Variants in HELT observed in about 807,000 individuals in gnomAD.
HELT encodes helt bHLH transcription factor.
In HELT, 9 loss-of-function variants were observed where a neutral mutation model predicts 19.5. That is an observed-to-expected ratio of 0.46 (90% confidence interval 0.28 to 0.80). The LOEUF (loss-of-function observed/expected upper bound fraction) is 0.80, where lower values mean the gene tolerates loss of function less well. Among genes scored for constraint, HELT ranks in the 30% least tolerant of loss-of-function variants. The pLI, the probability that HELT is intolerant of heterozygous loss-of-function variation, is 0.12. For synonymous variants in HELT, 162 were observed against 148.3 expected, an observed-to-expected ratio of 1.09 and a Z score of -0.67; for missense variants, 366 against 326.3, an observed-to-expected ratio of 1.12 and a Z score of -0.94.
rs753020924 is a variant in HELT at position 185,019,887 on chromosome 4, C to T, written c.229+44C>T. 13 of 1,543,780 alleles carry T rather than the reference C, an allele frequency of 8.4e-6. No homozygotes were observed. In the African/African-American group the frequency reaches 9.5e-5, roughly 11 times the overall value. On this transcript the variant is annotated intron_variant, in intron 3 of 3. Transcript: ENST00000515777. The stretch of plus-strand genomic sequence containing the variant: ...ATGGGACGCCTGGGCCAGGCGCCTG[C>T]GCCACCCAGAGACCCTGGGGCTGGG...
At chr4:185,020,222 G>A in intron 3 of HELT, 51 bp from the exon 4 acceptor site, 1 of 1,580,932 alleles carries the variant, frequency 6.3e-7, no homozygotes, top group Non-Finnish European at 8.6e-7. Flanking sequence ...GCTCGCGTGG[G>A]GAAGGGGCAC....
Position 185,018,954 on chromosome 4 carries a change from A to G in HELT, c.26A>G (p.Lys9Arg), listed in dbSNP as rs768750800. 9.3e-6 allele frequency: 15 copies of G among 1,612,178 alleles called. No homozygotes were observed. Among genetic ancestry groups the G allele is most frequent in the Non-Finnish European group, 1.3e-5 (15 of 1,178,872 alleles). The change falls in exon 1 of 4, where the codon AAA (lysine) becomes AGA (arginine). Residue 9 changes from lysine to arginine, a missense_variant and splice_region_variant. Transcript: ENST00000515777. Reference sequence around the variant, plus strand: ...ATGTCAGACAAGCTCAAGGAACGCAAAGTGAGTCGGCTGAGCCCAAATGGC... The same window carrying G: ...ATGTCAGACAAGCTCAAGGAACGCAGAGTGAGTCGGCTGAGCCCAAATGGC... Reference protein sequence around the residue: MSDKLKERKRTPVSHKVIE... With the variant: MSDKLKERRRTPVSHKVIE...
chr4:185,019,724 A>C (rs770586524), intron 2 of HELT, 23 bp from the exon 3 acceptor site: 2 of 1,612,872 alleles, frequency 1.2e-6, no homozygotes, highest in Non-Finnish European at 1.7e-6. Context: ...GGCCGCTGCG[A>C]GGGGCCCTTC....
At chr4:185,019,362 TA>T (rs1733988539) in intron 1 of HELT, 24 bp from the exon 2 acceptor site, 2 of 1,584,578 alleles carry the variant, frequency 1.3e-6, no homozygotes, top group African/African-American at 2.7e-5. Context: ...AAAGCCATCC[TA>T]AACATACAAC....
intron 3 of HELT, 52 bp from the exon 4 acceptor site, chr4:185,020,221 G>A (rs1473761163): frequency 7.6e-6 from 12 of 1,579,842 alleles, no homozygotes; most frequent in Non-Finnish European, 9.5e-6. Flanking sequence ...GGCTCGCGTG[G>A]GGAAGGGGCA....
At position 185,020,353 on chromosome 4, in the gene HELT, A is replaced by T; in HGVS notation, c.310A>T (p.Thr104Ser). ...GAAGAACCTGGTGCATTACCTCACC[A>T]CGGTGGAGCGGATGGAGACCAAGGA... ...CMKNLVHYLTTVERMETKDTK... is the reference protein window; with the variant it reads ...CMKNLVHYLTSVERMETKDTK... Residue 104 changes from threonine to serine, a missense_variant, in exon 4 of 4, where the codon ACG becomes TCG. Transcript: ENST00000515777. The T allele has an allele frequency of 1.2e-6, 2 of 1,614,204 alleles. No individual in the cohort carries two copies. The highest frequency in any genetic ancestry group is 1.7e-6 in the Non-Finnish European group (2 of 1,180,034).
intron 3 of HELT, 29 bp from the exon 4 acceptor site, chr4:185,020,244 C>G (rs1005506590): frequency 1.8e-5 from 29 of 1,600,010 alleles, no homozygotes; most frequent in Non-Finnish European, 2.5e-5. Context: ...CAGGGTGTGT[C>G]CGTCCTACGG....
At chr4:185,019,103 G>C in intron 1 of HELT, 148 bp downstream of exon 1, 1 of 1,599,418 alleles carries the variant, frequency 6.3e-7, no homozygotes, top group Non-Finnish European at 8.5e-7. Flanking sequence ...GGAAGGGGGT[G>C]GGGTAGAGAG....
Position 185,018,834 on chromosome 4 carries a change from G to A in HELT, c.-95G>A. On this transcript the variant is annotated 5_prime_UTR_variant, in exon 1 of 4. Coordinates refer to ENST00000515777, the MANE Select transcript of HELT (RefSeq NM_001300781.2). Reference sequence around the variant, plus strand: ...AGGCAGCCCTCGGAGTTGGGAGGCTGCAGTCTACCTGGGACACTCGAGGAG... The same window carrying A: ...AGGCAGCCCTCGGAGTTGGGAGGCTACAGTCTACCTGGGACACTCGAGGAG... 5 of 1,318,892 alleles carry A rather than the reference G, an allele frequency of 3.8e-6. No homozygotes were observed. The highest frequency in any genetic ancestry group is 5.2e-6 in the Non-Finnish European group (5 of 962,090). 81.7% of individuals were successfully genotyped at this position (1,318,892 alleles called of 1,614,324 possible).
chr4:185,020,450 C>G lies in HELT; in HGVS notation c.407C>G (p.Pro136Arg). 6.2e-7 allele frequency: 1 copy of G among 1,613,988 alleles called. No individual in the cohort carries two copies. Residue 136 changes from proline to arginine, a missense_variant, in exon 4 of 4, where the codon CCG becomes CGG. Coordinates refer to ENST00000515777, the MANE Select transcript of HELT (RefSeq NM_001300781.2). ...ARLGAEPAFP[P>R]LGSLPEPDFS... ...CTGGGCGCGGAGCCCGCCTTTCCGC[C>G]GCTGGGTTCGCTCCCGGAGCCGGAT...
chr4:185,019,533 G>T, intron 2 of HELT, 42 bp downstream of exon 2: 1 of 1,568,128 alleles, frequency 6.4e-7, no homozygotes, highest in Non-Finnish European at 8.7e-7. Flanking sequence ...GCGTTGGGAG[G>T]CCTCTGCGGC....
chr4:185,019,693 G>A lies in HELT; in HGVS notation c.133-54G>A. ...CTCGCTGGTCCTCTCCAGCGCCACA[G>A]TGCCCGACCAGCAGGCGCTGGGCCG... On this transcript the variant is annotated intron_variant, in intron 2 of 3. Coordinates refer to ENST00000515777, the MANE Select transcript of HELT (RefSeq NM_001300781.2). The A allele has an allele frequency of 1.2e-6, 2 of 1,611,726 alleles. 1 individual carries two copies. Among genetic ancestry groups the A allele is most frequent in the South Asian group, 2.2e-5 (2 of 90,712 alleles).
chr4:185,019,913 AG>A (rs1429166464), intron 3 of HELT, 70 bp downstream of exon 3: 4 of 1,379,990 alleles, frequency 2.9e-6, no homozygotes, highest in Non-Finnish European at 4.0e-6. Context: ...TGGGGCTGGG[AG>A]GGGAGTGACT....
chr4:185,019,969 C>T (rs1734017283), intron 3 of HELT, 126 bp downstream of exon 3: 1 of 915,536 alleles, frequency 1.1e-6, no homozygotes. Context: ...TCCAGGAGGG[C>T]AGGGGTCCTG....
In HELT at chr4:185,019,735, C is replaced by T; in HGVS notation, c.133-12C>T. The T allele has an allele frequency of 1.9e-6, 3 of 1,613,234 alleles. No homozygotes were observed. Among genetic ancestry groups the T allele is most frequent in the South Asian group, 1.1e-5 (1 of 90,982 alleles). On this transcript the variant is annotated splice_polypyrimidine_tract_variant and intron_variant, in intron 2 of 3. Coordinates refer to ENST00000515777, the MANE Select transcript of HELT (RefSeq NM_001300781.2). ...GCTGGGCCGCTGCGAGGGGCCCTTCCTCCTTTTGCAGAGTTCCGGGAAGCT... is the reference window on the plus strand; with the variant it reads ...GCTGGGCCGCTGCGAGGGGCCCTTCTTCCTTTTGCAGAGTTCCGGGAAGCT...
At position 185,020,381 on chromosome 4, in the gene HELT, C is replaced by A. The variant is rs1734036437; in HGVS notation, c.338C>A (p.Thr113Lys). 1 of 1,614,118 alleles carries A rather than the reference C, an allele frequency of 6.2e-7. No homozygotes were observed. Among genetic ancestry groups the A allele is most frequent in the Non-Finnish European group, 8.5e-7 (1 of 1,180,054 alleles). ...TTVERMETKD[T>K]KYARILAFLQ... is the part of the protein sequence containing the mutation. The stretch of plus-strand genomic sequence containing the variant: ...GTGGAGCGGATGGAGACCAAGGACA[C>A]GAAGTACGCGCGCATCCTCGCCTTC... Residue 113 changes from threonine to lysine, a missense_variant, in exon 4 of 4, where the codon ACG becomes AAG. Coordinates refer to ENST00000515777, the MANE Select transcript of HELT (RefSeq NM_001300781.2).
rs775744003 is a variant in HELT at position 185,020,288 on chromosome 4, A to T, written c.245A>T (p.Glu82Val). Reference protein sequence around the residue: ...RGREKAELLAEFANYFHYGYH... With the variant: ...RGREKAELLAVFANYFHYGYH... Reference sequence around the variant, plus strand: ...GTTCCTCCAGCAGAACTTCTAGCGGAGTTTGCCAACTACTTCCACTATGGC... The same window carrying T: ...GTTCCTCCAGCAGAACTTCTAGCGGTGTTTGCCAACTACTTCCACTATGGC... The change falls in exon 4 of 4, where the codon GAG becomes GTG. Residue 82 changes from glutamate (E) to valine (V), a missense_variant. Coordinates refer to ENST00000515777, the MANE Select transcript of HELT (RefSeq NM_001300781.2). 3 of 1,613,582 alleles carry T rather than the reference A, an allele frequency of 1.9e-6. No homozygotes were observed. Among genetic ancestry groups the T allele is most frequent in the East Asian group, 4.5e-5 (2 of 44,856 alleles).
chr4:185,019,362 TAAACA>T lies in HELT; in HGVS notation c.28-24_28-20del, dbSNP rs1295118329. On this transcript the variant is annotated intron_variant, in intron 1 of 3. Transcript: ENST00000515777. ...GACGACTTCCCGGGCAAAGCCATCC[TAAACA>T]TACAACCCTCTCTTCGCAGAGAACC... is the stretch of plus-strand genomic sequence containing the variant. 2 of 1,584,696 alleles carry T rather than the reference TAAACA, an allele frequency of 1.3e-6. No individual in the cohort carries two copies. The highest frequency in any genetic ancestry group is 1.7e-6 in the Non-Finnish European group (2 of 1,161,054).
At chr4:185,020,166 A>C in intron 3 of HELT, 107 bp from the exon 4 acceptor site, 3 of 1,482,196 alleles carry the variant, frequency 2.0e-6, no homozygotes, top group Non-Finnish European at 2.8e-6. Flanking sequence ...TCAAATGGGA[A>C]CTTTGGCCAG....
Sources: allele counts gnomAD v4.1 joint callset, GRCh38; gene constraint gnomAD v4.1.1; transcripts MANE v1.5; gene names NCBI Gene and HGNC (gene_info 2026-07-23, HGNC 2026-07-21).